The following TRAPPC9 variants were observed in gnomAD, a reference collection of about 807,000 sequenced individuals.
TRAPPC9 encodes IKK2 binding protein.
TRAPPC9 carries 83 observed loss-of-function variants against 124.0 expected under a neutral mutation model. That is an observed-to-expected ratio of 0.67 (90% CI 0.56 to 0.80). The LOEUF is 0.80. Ranked by LOEUF, TRAPPC9 falls within the 30% of genes least tolerant of loss-of-function variation. The pLI, the probability that TRAPPC9 is intolerant of heterozygous loss-of-function variation, is 0.00. For synonymous variants in TRAPPC9, 638 were observed against 617.5 expected (o/e 1.03, Z -0.49); for missense variants, 1,302 against 1,508.3 (o/e 0.86, Z 2.27).
chr8:140,160,396 C>A (rs2061725775), intron 17 of TRAPPC9, among the ~76,000 whole-genome samples: 2 of 152,158 alleles, frequency 1.3e-5, no homozygotes, highest in South Asian at 4.1e-4. Flanking sequence ...GGAACCAACC[C>A]AAACGTCCAT....
chr8:139,731,644 G>A (rs546872606), intron 22 of TRAPPC9, among the ~76,000 whole-genome samples: 2 of 152,118 alleles, frequency 1.3e-5, no homozygotes, highest in East Asian at 1.9e-4. Flanking sequence ...GGAGCGGCAG[G>A]CACGGGATGG....
chr8:140,276,278 G>C (rs1260873387), intron 14 of TRAPPC9, among the ~76,000 whole-genome samples: 1 of 152,184 alleles, frequency 6.6e-6, no homozygotes, highest in Non-Finnish European at 1.5e-5. Context: ...TGCTAACATA[G>C]AGCTGAGGCC....
rs1380889659 is a variant in TRAPPC9 at position 139,776,892 on chromosome 8, C to T, written c.3056-44690G>A. Reference sequence around the variant, plus strand: ...ACAACATGGTTACTTTCGCCTAAACCACCAATTGATGACGTGGGGGCTGTG... The same window carrying T: ...ACAACATGGTTACTTTCGCCTAAACTACCAATTGATGACGTGGGGGCTGTG... On this transcript the variant is annotated intron_variant, in intron 21 of 22. Coordinates refer to ENST00000438773, the MANE Select transcript of TRAPPC9 (RefSeq NM_001160372.4). This position sits in a 1 kb window ranked among gnomAD's most constrained non-coding sequence, Gnocchi z 4.1. Among the ~76,000 whole-genome samples, 1 of 152,320 alleles carries T rather than the reference C, an allele frequency of 6.6e-6. No individual in the cohort carries two copies. Among genetic ancestry groups the T allele is most frequent in the South Asian group, 2.1e-4 (1 of 4,828 alleles).
chr8:139,731,282 A>C (rs1473096548), intron 22 of TRAPPC9, 54 bp from the exon 23 acceptor site: 1 of 1,597,466 alleles, frequency 6.3e-7, no homozygotes, highest in African/African-American at 1.3e-5. Flanking sequence ...GGGCCACCCA[A>C]AGCCACCAGG....
intron 20 of TRAPPC9, among the ~76,000 whole-genome samples, chr8:139,898,016 C>T (rs991619940): frequency 6.6e-6 from 1 of 152,230 alleles, no homozygotes; most frequent in Admixed American, 6.5e-5. Context: ...GCAGTGGGAA[C>T]ACAGATGTGC....
intron 16 of TRAPPC9, among the ~76,000 whole-genome samples, chr8:140,235,643 T>C (rs1315372713): frequency 6.6e-6 from 1 of 152,144 alleles, no homozygotes; most frequent in Non-Finnish European, 1.5e-5. Context: ...ACAATACCAA[T>C]GGGTGGCGAG....
intron 8 of TRAPPC9, among the ~76,000 whole-genome samples, chr8:140,360,447 T>C (rs963834986): frequency 1.3e-5 from 2 of 152,206 alleles, no homozygotes; most frequent in East Asian, 1.9e-4. Context: ...ATTTCAAAAA[T>C]AGCCTGCTTC....
chr8:139,963,397 G>C (rs1373134825), intron 19 of TRAPPC9, among the ~76,000 whole-genome samples: 1 of 152,150 alleles, frequency 6.6e-6, no homozygotes, highest in East Asian at 1.9e-4. Context: ...GTGTAGAGGA[G>C]TTAAGGAATT....
At chr8:140,425,892 A>G (rs2070405759) in intron 5 of TRAPPC9, among the ~76,000 whole-genome samples, 1 of 152,204 alleles carries the variant, frequency 6.6e-6, no homozygotes, top group Non-Finnish European at 1.5e-5. Context: ...CACGGCCTAG[A>G]GAAAGGAGTG....
At chr8:140,205,966 T>C (rs2062907659) in intron 17 of TRAPPC9, among the ~76,000 whole-genome samples, 1 of 152,242 alleles carries the variant, frequency 6.6e-6, no homozygotes, top group African/African-American at 2.4e-5. Context: ...ATCTTCCCTA[T>C]GACTCACTGA....
intron 5 of TRAPPC9, 114 bp from the exon 6 acceptor site, chr8:140,405,812 A>G: frequency 1.6e-6 from 2 of 1,219,232 alleles, no homozygotes; most frequent in South Asian, 1.3e-5. Context: ...AAATTTAAAT[A>G]ATGTAAGTGT....
chr8:140,457,034 C>G (rs2132748537), intron 1 of TRAPPC9, among the ~76,000 whole-genome samples: 1 of 152,314 alleles, frequency 6.6e-6, no homozygotes, highest in Admixed American at 6.5e-5. Context: ...CGCGCTTATC[C>G]CAGAGAGCAC....
At chr8:139,941,212 G>A (rs1003433102) in intron 19 of TRAPPC9, among the ~76,000 whole-genome samples, 1 of 152,234 alleles carries the variant, frequency 6.6e-6, no homozygotes, top group Non-Finnish European at 1.5e-5. Flanking sequence ...GCCTTCACAG[G>A]AGGCTGCCAG....
At chr8:140,092,884 G>C (rs536836801) in intron 17 of TRAPPC9, among the ~76,000 whole-genome samples, 1 of 152,342 alleles carries the variant, frequency 6.6e-6, no homozygotes, top group African/African-American at 2.4e-5. Flanking sequence ...AGTCACTTAG[G>C]AGTTATGAGG....
chr8:140,158,589 C>T (rs1422275945), intron 17 of TRAPPC9, among the ~76,000 whole-genome samples: 1 of 152,190 alleles, frequency 6.6e-6, no homozygotes, highest in Non-Finnish European at 1.5e-5. Context: ...CTTACAGCAG[C>T]AATAAGAACT....
chr8:140,310,054 A>G (rs1478446557), intron 10 of TRAPPC9, among the ~76,000 whole-genome samples: 2 of 152,226 alleles, frequency 1.3e-5, no homozygotes, highest in African/African-American at 4.8e-5. Flanking sequence ...CTCTTTGGCA[A>G]AAAGAAACCA....
intron 19 of TRAPPC9, among the ~76,000 whole-genome samples, chr8:139,975,161 C>T (rs1836359189): frequency 6.6e-6 from 1 of 152,100 alleles, no homozygotes. Flanking sequence ...CAAGGACTGC[C>T]CTAGACGAGA....
intron 17 of TRAPPC9, among the ~76,000 whole-genome samples, chr8:140,120,945 C>T (rs1207682543): frequency 2.0e-5 from 3 of 152,356 alleles, no homozygotes; most frequent in African/African-American, 7.2e-5. Context: ...CCAACATCAT[C>T]CATTCAACCA....
chr8:140,101,294 G>A (rs553294006), intron 17 of TRAPPC9, among the ~76,000 whole-genome samples: 8 of 151,366 alleles, frequency 5.3e-5, no homozygotes, highest in Admixed American at 1.3e-4. Context: ...TCCACACTAC[G>A]ATGCCTAATT....
Sources: allele counts gnomAD v4.1 joint callset (sites outside exome capture counted in the v4.1 genomes callset), GRCh38; gene constraint gnomAD v4.1.1; non-coding constraint Gnocchi (gnomAD v3.1); transcripts MANE v1.5; gene names NCBI Gene and HGNC (gene_info 2026-07-23, HGNC 2026-07-21).